Variants in SLC9A3 observed in about 807,000 individuals in gnomAD.
The protein encoded by SLC9A3 is sodium/hydrogen exchanger 3.
Under a neutral mutation model 86.8 loss-of-function variants are expected in SLC9A3, and 37 were observed. That is an observed-to-expected ratio of 0.43 (90% CI 0.33 to 0.56). The LOEUF is 0.56. Among genes scored for constraint, SLC9A3 ranks in the 20% least tolerant of loss-of-function variants. The pLI is 0.06. For synonymous variants in SLC9A3, 581 were observed against 528.3 expected (o/e 1.10, Z -1.37); for missense variants, 1,011 against 1,171.9 (o/e 0.86, Z 2.00).
chr5:505,807 G>T (rs867427968), intron 1 of SLC9A3, among the ~76,000 whole-genome samples: 3 of 136,318 alleles, frequency 2.2e-5, no homozygotes, highest in East Asian at 2.3e-4. Flanking sequence ...GTGACCATGT[G>T]GGGGGAGAGT....
intron 15 of SLC9A3, 112 bp downstream of exon 15, chr5:475,449 A>G: frequency 1.4e-6 from 1 of 693,436 alleles, no homozygotes; most frequent in East Asian, 2.7e-5. Flanking sequence ...GAGAACCCAC[A>G]GGAGACCCCA....
In SLC9A3 at chr5:471,278, G is replaced by C. The variant is rs1738345796; in HGVS notation, c.*2101C>G. On this transcript the variant is annotated 3_prime_UTR_variant, in exon 17 of 17. Transcript: ENST00000264938. ...GTCCAGGGAGGAGCGATCGGGAGTG[G>C]CCAAGCAGTTGCCTGGACTCAGCTT... 1 of 168,700 alleles carries C rather than the reference G, an allele frequency of 5.9e-6. No individual in the cohort carries two copies. Among genetic ancestry groups the C allele is most frequent in the African/African-American group, 2.4e-5 (1 of 41,834 alleles). The allele number at this position is 168,700 out of a possible 1,614,324, so 10.5% of individuals were successfully genotyped here.
intron 1 of SLC9A3, among the ~76,000 whole-genome samples, chr5:507,116 A>G (rs1434116083): frequency 7.6e-5 from 11 of 145,080 alleles, no homozygotes; most frequent in Admixed American, 3.5e-4. Context: ...AAATAAATAA[A>G]TAAATAAAGT....
chr5:518,828 G>A (rs1388738519), intron 1 of SLC9A3, among the ~76,000 whole-genome samples: 2 of 152,122 alleles, frequency 1.3e-5, no homozygotes, highest in Non-Finnish European at 2.9e-5. Context: ...CTCCTGGGGT[G>A]GCAGGGAGTG....
At chr5:483,198 C>A in intron 6 of SLC9A3, 64 bp downstream of exon 6, 1 of 1,265,400 alleles carries the variant, frequency 7.9e-7, no homozygotes, top group Non-Finnish European at 1.1e-6. Flanking sequence ...AGAAAGCCTG[C>A]GCCTTCCCGG....
At chr5:484,416 C>T (rs1269626968) in intron 5 of SLC9A3, 104 bp downstream of exon 5, 8 of 815,690 alleles carry the variant, frequency 9.8e-6, no homozygotes, top group East Asian at 2.8e-5. Context: ...TGGAGAAGCT[C>T]GGGTTGGGGT....
At chr5:500,680 A>C (rs1740227725) in intron 1 of SLC9A3, among the ~76,000 whole-genome samples, 1 of 49,828 alleles carries the variant, frequency 2.0e-5, no homozygotes, top group Admixed American at 2.7e-4. Context: ...GCTGGTGTGG[A>C]TGGGGCCGTG....
intron 5 of SLC9A3, among the ~76,000 whole-genome samples, chr5:483,990 G>A (rs1739346454): frequency 6.6e-6 from 1 of 152,266 alleles, no homozygotes; most frequent in Non-Finnish European, 1.5e-5. Flanking sequence ...GGTTCACGGG[G>A]AACTTGGTGA....
At position 483,218 on chromosome 5, in the gene SLC9A3, C is replaced by T. The variant is rs144206760; in HGVS notation, c.1153+44G>A. ...GCCTGCGCCTTCCCGGAGACGGTGCCGGCCCATCGGTGGTCCCACGGCCGC... is the reference window on the plus strand; with the variant it reads ...GCCTGCGCCTTCCCGGAGACGGTGCTGGCCCATCGGTGGTCCCACGGCCGC... On this transcript the variant is annotated intron_variant, in intron 6 of 16. Transcript: ENST00000264938. The T allele has an allele frequency of 3.4e-3, 4,786 of 1,414,786 alleles. 12 individuals carry two copies. The highest frequency in any genetic ancestry group is 3.6e-3 in the Non-Finnish European group (3,716 of 1,028,968). 87.6% of individuals were successfully genotyped at this position (1,414,786 alleles called of 1,614,324 possible).
At chr5:505,208 G>A (rs1740488235) in intron 1 of SLC9A3, among the ~76,000 whole-genome samples, 1 of 22,946 alleles carries the variant, frequency 4.4e-5, no homozygotes, top group Non-Finnish European at 8.8e-5. Flanking sequence ...GTGCTGGGGG[G>A]TGACCATCGA....
At chr5:475,315 C>A in intron 15 of SLC9A3, 183 bp from the exon 16 acceptor site, 1 of 651,838 alleles carries the variant, frequency 1.5e-6, no homozygotes, top group Non-Finnish European at 2.6e-6. Flanking sequence ...CCACAGGCAG[C>A]ACAGGTAACG....
Position 491,859 on chromosome 5 carries a change from TC to T in SLC9A3, c.423del (p.Thr142ProfsTer78). The T allele has an allele frequency of 6.2e-7, 1 of 1,608,580 alleles. No homozygotes were observed. Among genetic ancestry groups the T allele is most frequent in the Non-Finnish European group, 8.5e-7 (1 of 1,178,120 alleles). ...CCCACGACGGCGTACAACAGGATGGTCCCCAGGTTGCCGAAGAAGAGGCGGT... is the reference window on the plus strand; with the variant it reads ...CCCACGACGGCGTACAACAGGATGGTCCCAGGTTGCCGAAGAAGAGGCGGT... ...MPNRLFFGNL[G>X]TILLYAVVGT... On this transcript the variant is annotated frameshift_variant, in exon 2 of 17. Coordinates refer to ENST00000264938, the MANE Select transcript of SLC9A3 (RefSeq NM_004174.4). LOFTEE classifies it high-confidence loss of function. This position sits in a 1 kb window ranked among gnomAD's most constrained non-coding sequence, Gnocchi z 9.2.
chr5:493,431 G>A (rs757789402), intron 1 of SLC9A3, among the ~76,000 whole-genome samples: 14 of 152,238 alleles, frequency 9.2e-5, no homozygotes, highest in Non-Finnish European at 1.5e-4. Flanking sequence ...TCCCGACTGC[G>A]TGGCCCTGAC....
At chr5:481,731 G>GC (rs1231105137) in intron 8 of SLC9A3, 96 bp from the exon 9 acceptor site, 8 of 1,017,534 alleles carry the variant, frequency 7.9e-6, no homozygotes, top group South Asian at 2.6e-5. Context: ...GAACCCACCA[G>GC]CCCCCCTCAC....
intron 1 of SLC9A3, among the ~76,000 whole-genome samples, chr5:523,160 C>T (rs578196176): frequency 6.6e-6 from 1 of 152,158 alleles, no homozygotes; most frequent in East Asian, 1.9e-4. Flanking sequence ...AGGCGGCAGG[C>T]GTCACTGAAG....
intron 1 of SLC9A3, among the ~76,000 whole-genome samples, chr5:504,987 G>A (rs983673499): frequency 2.6e-5 from 4 of 151,928 alleles, no homozygotes; most frequent in African/African-American, 9.7e-5. Flanking sequence ...GAGAAGCAGG[G>A]GCCAGCAGCT....
chr5:478,530 C>T (rs1738924666), intron 10 of SLC9A3: 1 of 153,562 alleles, frequency 6.5e-6, no homozygotes, highest in African/African-American at 2.4e-5. Flanking sequence ...AGATGCCACC[C>T]CAGGTGTGGG....
chr5:494,175 C>G (rs868698371), intron 1 of SLC9A3, among the ~76,000 whole-genome samples: 1 of 152,244 alleles, frequency 6.6e-6, no homozygotes, highest in Non-Finnish European at 1.5e-5. Flanking sequence ...CTGTGATGCA[C>G]GTGAGAAGTC....
At chr5:482,942 C>T (rs80273890) in intron 6 of SLC9A3, among the ~76,000 whole-genome samples, 192 bp from the exon 7 acceptor site, 28,340 of 151,300 alleles carry the variant, frequency 0.19, 3,490 homozygotes, top group Non-Finnish European at 0.27. Flanking sequence ...CGTCTCCCCC[C>T]CACGCTCCGT....
Sources: gnomAD v4.1 joint callset for allele counts (sites outside exome capture counted in the v4.1 genomes callset) on GRCh38, gnomAD v4.1.1 for gene constraint, Gnocchi (gnomAD v3.1) non-coding constraint, MANE v1.5 for transcripts, NCBI Gene and HGNC (gene_info 2026-07-23, HGNC 2026-07-21) for gene names.